Variants in MITF observed in about 807,000 individuals in gnomAD.
The protein encoded by MITF is melanocyte inducing transcription factor.
MITF carries 17 observed loss-of-function variants against 60.5 expected under a neutral mutation model. The ratio of observed to expected loss-of-function variants is 0.28; its 90% CI spans 0.19 to 0.42. The LOEUF is 0.42. MITF is among the 10% of genes least tolerant of loss of function. The probability of loss-of-function intolerance (pLI) is 1.00; values close to 1 mark genes in which losing one functional copy is unlikely to be tolerated. For synonymous variants in MITF, 260 were observed against 248.5 expected (o/e 1.05, Z -0.43); for missense variants, 622 against 683.5 (o/e 0.91, Z 1.00).
chr3:69,896,449 C>T (rs888121358), intron 2 of MITF, among the ~76,000 whole-genome samples: 2 of 152,218 alleles, frequency 1.3e-5, no homozygotes, highest in Non-Finnish European at 2.9e-5. Context: ...ACTTGTTATC[C>T]GTGGTCTACC....
intron 6 of MITF, among the ~76,000 whole-genome samples, chr3:69,949,717 T>TGGAGCAAGAACA: frequency 1.3e-5 from 2 of 152,296 alleles, no homozygotes; most frequent in Admixed American, 1.3e-4. Flanking sequence ...CAATGGATAT[T>TGGAGCAAGAACA]ATTTGTTCTT....
At chr3:69,742,381 A>C (rs945207044) in intron 1 of MITF, among the ~76,000 whole-genome samples, 2 of 152,192 alleles carry the variant, frequency 1.3e-5, no homozygotes, top group African/African-American at 2.4e-5. Flanking sequence ...GCTGAGGTCA[A>C]GCAACTCTGT....
chr3:69,918,532 A>G (rs889262694), intron 2 of MITF, among the ~76,000 whole-genome samples: 5 of 152,136 alleles, frequency 3.3e-5, no homozygotes, highest in Non-Finnish European at 5.9e-5. Context: ...TGCATTGATT[A>G]CCTCTGAGAA....
chr3:69,747,169 A>C (rs1207255892), intron 1 of MITF, among the ~76,000 whole-genome samples: 1 of 152,198 alleles, frequency 6.6e-6, no homozygotes, highest in East Asian at 1.9e-4. Context: ...GGAGAAGCAG[A>C]TGGGTTCCTG....
chr3:69,864,728 C>T (rs1487445581), intron 1 of MITF, among the ~76,000 whole-genome samples: 1 of 152,134 alleles, frequency 6.6e-6, no homozygotes, highest in Non-Finnish European at 1.5e-5. Context: ...GTCCTGGTCA[C>T]TGTGTAGGTC....
chr3:69,877,720 T>G (rs1185558293), intron 1 of MITF, among the ~76,000 whole-genome samples: 2 of 152,340 alleles, frequency 1.3e-5, no homozygotes, highest in Middle Eastern at 3.4e-3. Flanking sequence ...CTAGCATGTT[T>G]TGTTACCTTC....
intron 9 of MITF, among the ~76,000 whole-genome samples, chr3:69,960,392 G>A (rs1293249445): frequency 6.6e-6 from 1 of 152,164 alleles, no homozygotes; most frequent in Admixed American, 6.5e-5. Flanking sequence ...GTGGGTATAT[G>A]CACCAGTGTA....
At chr3:69,904,844 T>C (rs921223629) in intron 2 of MITF, among the ~76,000 whole-genome samples, 1 of 152,144 alleles carries the variant, frequency 6.6e-6, no homozygotes, top group African/African-American at 2.4e-5. Flanking sequence ...CTTTGTAAAA[T>C]GGGAATAAAG....
At chr3:69,959,444 G>A (rs1440994436) in intron 9 of MITF, 24 bp downstream of exon 9, 2 of 1,613,564 alleles carry the variant, frequency 1.2e-6, no homozygotes, top group South Asian at 2.2e-5. Context: ...GTTGTGTAAA[G>A]TTTACTGCTT....
intron 2 of MITF, among the ~76,000 whole-genome samples, chr3:69,908,541 A>C (rs999459343): frequency 2.0e-5 from 3 of 152,168 alleles, no homozygotes; most frequent in Non-Finnish European, 4.4e-5. Flanking sequence ...TTTAAATATC[A>C]TATGGAAATA....
At chr3:69,804,484 C>T (rs1372631518) in intron 1 of MITF, among the ~76,000 whole-genome samples, 1 of 152,110 alleles carries the variant, frequency 6.6e-6, no homozygotes, top group East Asian at 1.9e-4. Flanking sequence ...CCTTTTCTCT[C>T]TATAATTCTT....
rs534745362 is a variant in MITF at position 69,780,180 on chromosome 3, C to T, written c.104+40479C>T. On this transcript the variant is annotated intron_variant, in intron 1 of 9. Coordinates refer to ENST00000352241, the MANE Select transcript of MITF (RefSeq NM_001354604.2). ...AATGCAACTGAAGGAAAATGGGCCA[C>T]GTGGAAACGATGTTAGGCTGGACGA... 2.0e-4 allele frequency among the ~76,000 whole-genome samples: 30 copies of T among 152,116 alleles called. 1 individual carries two copies. In the South Asian group the frequency reaches 5.8e-3, roughly 30 times the overall value.
intron 1 of MITF, among the ~76,000 whole-genome samples, chr3:69,824,329 A>C (rs1345476078): frequency 6.6e-6 from 1 of 152,170 alleles, no homozygotes; most frequent in South Asian, 2.1e-4. Context: ...AGTACTCACA[A>C]GAACATGTCA....
intron 2 of MITF, among the ~76,000 whole-genome samples, chr3:69,937,469 T>C (rs1211769918): frequency 6.6e-6 from 1 of 151,968 alleles, no homozygotes; most frequent in Non-Finnish European, 1.5e-5. Context: ...CACTTCTACA[T>C]TGTTGTTTGA....
At chr3:69,860,597 C>CA (rs1039213953) in intron 1 of MITF, among the ~76,000 whole-genome samples, 17,710 of 57,774 alleles carry the variant, frequency 0.31, 2,535 homozygotes, top group Non-Finnish European at 0.4. Context: ...GACTCCGTCT[C>CA]AAAAAAAAAA....
At chr3:69,926,395 G>A (rs918685008) in intron 2 of MITF, among the ~76,000 whole-genome samples, 12 of 152,156 alleles carry the variant, frequency 7.9e-5, no homozygotes, top group African/African-American at 2.9e-4. Flanking sequence ...CTGCCTAGGG[G>A]CTTTCTGACC....
intron 1 of MITF, among the ~76,000 whole-genome samples, chr3:69,860,597 CA>C (rs1039213953): frequency 0.027 from 1,657 of 60,758 alleles, 8 homozygotes; most frequent in African/African-American, 0.094. Context: ...GACTCCGTCT[CA>C]AAAAAAAAAA....
At chr3:69,926,485 G>A (rs1358722265) in intron 2 of MITF, among the ~76,000 whole-genome samples, 2 of 152,180 alleles carry the variant, frequency 1.3e-5, no homozygotes, top group Non-Finnish European at 2.9e-5. Flanking sequence ...CGGTACTTAT[G>A]AGAAGGAGTT....
chr3:69,887,599 C>T (rs1015083031), intron 2 of MITF, among the ~76,000 whole-genome samples: 3 of 151,748 alleles, frequency 2.0e-5, no homozygotes, highest in South Asian at 2.1e-4. Context: ...GAAATGAATC[C>T]GAATTGGAGC....
Sources: allele counts gnomAD v4.1 joint callset (sites outside exome capture counted in the v4.1 genomes callset), GRCh38; gene constraint gnomAD v4.1.1; transcripts MANE v1.5; gene names NCBI Gene and HGNC (gene_info 2026-07-23, HGNC 2026-07-21).